The following PTPRN2 variants were observed in gnomAD, a reference collection of about 807,000 sequenced individuals.
PTPRN2 encodes receptor-type tyrosine-protein phosphatase N2.
PTPRN2 carries 74 observed loss-of-function variants against 118.8 expected under a neutral mutation model. That is an observed-to-expected ratio of 0.62 (90% confidence interval 0.52 to 0.76). The LOEUF (loss-of-function observed/expected upper bound fraction) is 0.76. PTPRN2 is among the 30% of genes least tolerant of loss of function. The pLI is 0.00. For missense variants in PTPRN2, 1,481 were observed against 1,394.4 expected (o/e 1.06, Z -0.99); for synonymous variants, 641 against 608.0 (o/e 1.05, Z -0.80).
At chr7:158,488,749 C>T (rs1392247116) in intron 2 of PTPRN2, among the ~76,000 whole-genome samples, 1 of 152,262 alleles carries the variant, frequency 6.6e-6, no homozygotes, top group Non-Finnish European at 1.5e-5. Context: ...CCGCCATCCT[C>T]GCTAGGATTA....
chr7:157,898,726 C>T lies in PTPRN2; in HGVS notation c.1735G>A (p.Asp579Asn). Residue 579 changes from aspartate to asparagine, a missense_variant, in exon 12 of 23, where the codon GAC (aspartate) becomes AAC (asparagine). Physicochemically the swap from Asp to Asn is conservative, Grantham distance 23 (BLOSUM62 1). Coordinates refer to ENST00000389418, the MANE Select transcript of PTPRN2 (RefSeq NM_002847.5). ...AGTCCAGAGGTTTCCTCCAGTTTGT[C>T]TTTGTTGTCAACTGTTAGGAAAAAT... ...DVEKATVDNK[D>N]KLEETSGLKI... 5 of 1,606,564 alleles carry T rather than the reference C, an allele frequency of 3.1e-6. No homozygotes were observed. Among genetic ancestry groups the T allele is most frequent in the Non-Finnish European group, 4.3e-6 (5 of 1,173,030 alleles).
Position 157,656,525 on chromosome 7 carries a change from C to T in PTPRN2, c.2028G>A (p.Thr676=). The stretch of plus-strand genomic sequence containing the variant: ...GGCCCTCAGGTCGGTCTGGTGGCCG[C>T]GTGGCCATACGCTGGCGGCACAGCT... ...YQELCRQRMA[T]RPPDRPEGPH... is the part of the protein sequence containing the mutation. The change falls in exon 14 of 23, where the codon ACG becomes ACA. Residue 676 remains threonine (T), a synonymous_variant. Coordinates refer to ENST00000389418, the MANE Select transcript of PTPRN2 (RefSeq NM_002847.5). 3.9e-6 allele frequency: 6 copies of T among 1,546,498 alleles called. No individual in the cohort carries two copies. The South Asian group carries it at 4.7e-5, about 12-fold the overall frequency.
At chr7:158,329,977 C>A (rs1390532565) in intron 2 of PTPRN2, among the ~76,000 whole-genome samples, 2 of 152,112 alleles carry the variant, frequency 1.3e-5, no homozygotes, top group African/African-American at 2.4e-5. Flanking sequence ...CGACTCTCAC[C>A]ATAAGAGCTC....
intron 3 of PTPRN2, among the ~76,000 whole-genome samples, chr7:158,208,943 G>A (rs1563606522): frequency 1.3e-5 from 2 of 152,070 alleles, no homozygotes; most frequent in South Asian, 4.1e-4. Context: ...GTGCTGGTTT[G>A]TTAGTTTGCT....
intron 2 of PTPRN2, among the ~76,000 whole-genome samples, chr7:158,357,604 G>T (rs1048639263): frequency 6.6e-6 from 1 of 152,228 alleles, no homozygotes; most frequent in African/African-American, 2.4e-5. Context: ...GTCAGCTGCG[G>T]GTGCTAAGAA....
chr7:157,830,747 G>A (rs1430636749), intron 12 of PTPRN2, among the ~76,000 whole-genome samples: 1 of 152,234 alleles, frequency 6.6e-6, no homozygotes, highest in African/African-American at 2.4e-5. Context: ...CGTAAAGGTA[G>A]AAGTATTCTA....
intron 2 of PTPRN2, among the ~76,000 whole-genome samples, chr7:158,329,162 G>C (rs1177520709): frequency 6.6e-6 from 1 of 152,222 alleles, no homozygotes; most frequent in Non-Finnish European, 1.5e-5. Context: ...TGAGCCGGCA[G>C]TACTGAGGAG....
chr7:158,415,598 CCAA>C (rs1814592230), intron 2 of PTPRN2, among the ~76,000 whole-genome samples: 1 of 152,178 alleles, frequency 6.6e-6, no homozygotes, highest in Non-Finnish European at 1.5e-5. Flanking sequence ...GCCCATTCTA[CCAA>C]CAAGAACTGC....
chr7:157,954,682 C>G (rs1457671907), intron 11 of PTPRN2, among the ~76,000 whole-genome samples: 1 of 152,074 alleles, frequency 6.6e-6, no homozygotes, highest in African/African-American at 2.4e-5. Context: ...CAGCTCCAGA[C>G]CCCAGAGCGA....
At chr7:158,141,400 C>T (rs952086507) in intron 6 of PTPRN2, among the ~76,000 whole-genome samples, 3 of 152,276 alleles carry the variant, frequency 2.0e-5, no homozygotes, top group Non-Finnish European at 2.9e-5. Flanking sequence ...TAGTCCATGC[C>T]GAGGCAGCGG....
chr7:157,816,625 A>T (rs1189039272), intron 12 of PTPRN2, among the ~76,000 whole-genome samples: 1 of 152,214 alleles, frequency 6.6e-6, no homozygotes, highest in Non-Finnish European at 1.5e-5. Context: ...GGGGGCAGGC[A>T]CTGAAGCCCC....
chr7:158,161,335 C>A (rs117261057), intron 6 of PTPRN2, among the ~76,000 whole-genome samples: 1 of 152,130 alleles, frequency 6.6e-6, no homozygotes, highest in Admixed American at 6.6e-5. Context: ...CCCATTGTTA[C>A]GACTCACTCC....
intron 3 of PTPRN2, among the ~76,000 whole-genome samples, chr7:158,293,260 C>T (rs1167589906): frequency 6.6e-6 from 1 of 151,754 alleles, no homozygotes; most frequent in Non-Finnish European, 1.5e-5. Flanking sequence ...AATGTTTTTT[C>T]TTCAATAATA....
At chr7:157,599,609 C>G (rs138763942) in intron 16 of PTPRN2, among the ~76,000 whole-genome samples, 5 of 152,350 alleles carry the variant, frequency 3.3e-5, no homozygotes, top group East Asian at 3.9e-4. Context: ...GACCACTGGA[C>G]TGTGTCCTGC....
intron 12 of PTPRN2, among the ~76,000 whole-genome samples, chr7:157,751,374 T>C (rs1801456423): frequency 6.6e-6 from 1 of 152,050 alleles, no homozygotes; most frequent in South Asian, 2.1e-4. Context: ...TGGCAGCGGG[T>C]TTATTTTTGA....
At chr7:158,127,975 T>C (rs1319370093) in intron 9 of PTPRN2, among the ~76,000 whole-genome samples, 1 of 152,148 alleles carries the variant, frequency 6.6e-6, no homozygotes, top group Non-Finnish European at 1.5e-5. Context: ...TCAGAAAATG[T>C]GAGAGAGAAA....
rs1388315820 is a variant in PTPRN2, at chr7:157,845,378, C to A, written c.1788+53295G>T. Among the ~76,000 whole-genome samples the A allele has an allele frequency of 6.6e-6, 1 of 151,778 alleles. No homozygotes were observed. Among genetic ancestry groups the A allele is most frequent in the Admixed American group, 6.6e-5 (1 of 15,230 alleles). Reference sequence around the variant, plus strand: ...CTAACTCACCATGTTCCCGGCCACGCCACAGTGAATCACGCAGCCTAACTC... The same window carrying A: ...CTAACTCACCATGTTCCCGGCCACGACACAGTGAATCACGCAGCCTAACTC... On this transcript the variant is annotated intron_variant, in intron 12 of 22. Transcript: ENST00000389418. This position sits in a 1 kb window ranked among gnomAD's most constrained non-coding sequence, Gnocchi z 4.5.
rs186776139 is a variant in PTPRN2, at chr7:157,780,771, G to A, written c.1789-97834C>T. ...GACACTGTTGCTTGCATGTGCCCCC[G>A]GGCCAAGGTGGACGAGCTCTCCAAA... On this transcript the variant is annotated intron_variant, in intron 12 of 22. Transcript: ENST00000389418. The surrounding 1 kb of genome is among the most constrained non-coding windows in gnomAD (Gnocchi z 4.5). Among the ~76,000 whole-genome samples, 344 of 152,258 alleles carry A rather than the reference G, an allele frequency of 2.3e-3. 1 individual carries two copies. The highest frequency in any genetic ancestry group is 7.7e-3 in the African/African-American group (321 of 41,564).
intron 2 of PTPRN2, among the ~76,000 whole-genome samples, chr7:158,321,621 G>A (rs981380044): frequency 2.0e-5 from 3 of 152,126 alleles, no homozygotes; most frequent in Non-Finnish European, 4.4e-5. Context: ...CGTCCAGAAC[G>A]GGCATTCCAT....
Sources: allele counts gnomAD v4.1 joint callset (sites outside exome capture counted in the v4.1 genomes callset), GRCh38; gene constraint gnomAD v4.1.1; non-coding constraint Gnocchi (gnomAD v3.1); transcripts MANE v1.5; gene names NCBI Gene and HGNC (gene_info 2026-07-23, HGNC 2026-07-21).